HBS1L: variants seen among roughly 807,000 people sequenced by gnomAD.
HBS1L encodes HBS1 like translational GTPase.
HBS1L carries 55 observed loss-of-function variants against 88.9 expected under a neutral mutation model. That is an observed-to-expected ratio of 0.62 (90% CI 0.50 to 0.77). The LOEUF is 0.77. Among genes scored for constraint, HBS1L ranks in the 30% least tolerant of loss-of-function variants. The probability of loss-of-function intolerance (pLI) is 0.00; values close to 1 mark genes in which losing one functional copy is unlikely to be tolerated. For missense variants in HBS1L, 741 were observed against 829.3 expected (o/e 0.89, Z 1.31); for synonymous variants, 267 against 288.5 (o/e 0.93, Z 0.76).
At position 135,009,385 on chromosome 6, in the gene HBS1L, G is replaced by C. The variant is rs149302158; in HGVS notation, c.431-6543C>G. On this transcript the variant is annotated intron_variant, in intron 4 of 17. Transcript: ENST00000367837. ...ATATGTACCTGAGTAATTCTAGAAG[G>C]CTTAACAAATGAAATGAGATTTGAT... 5.9e-5 allele frequency among the ~76,000 whole-genome samples: 9 copies of C among 152,138 alleles called. No homozygotes were observed. In the East Asian group the frequency reaches 1.7e-3, roughly 29 times the overall value.
At chr6:135,047,166 T>C (rs1776938629) in intron 2 of HBS1L, among the ~76,000 whole-genome samples, 1 of 152,240 alleles carries the variant, frequency 6.6e-6, no homozygotes, top group Admixed American at 6.5e-5. Context: ...ACTCCGTCTC[T>C]GTCCTCAAGG....
intron 4 of HBS1L, among the ~76,000 whole-genome samples, chr6:135,029,692 G>C (rs1776331917): frequency 6.6e-6 from 1 of 152,048 alleles, no homozygotes; most frequent in African/African-American, 2.4e-5. Flanking sequence ...AATGTAGGAT[G>C]CTCATTTATT....
chr6:135,037,172 A>G, intron 4 of HBS1L: 1 of 1,551,770 alleles, frequency 6.4e-7, no homozygotes, highest in South Asian at 1.2e-5. Flanking sequence ...GTTAATTCTG[A>G]TATTCCGGGT....
At chr6:135,039,884 C>A in intron 3 of HBS1L, 117 bp from the exon 4 acceptor site, 1 of 771,192 alleles carries the variant, frequency 1.3e-6, no homozygotes, top group East Asian at 2.8e-5. Context: ...TCTCCCTTCT[C>A]TTTGGCAAAA....
chr6:134,993,553 T>C (rs867633935), intron 8 of HBS1L, among the ~76,000 whole-genome samples: 6 of 152,216 alleles, frequency 3.9e-5, no homozygotes, highest in South Asian at 2.1e-4. Context: ...TGTTTCTTTG[T>C]AAGAAATTTT....
chr6:134,999,786 A>C (rs992590807), intron 5 of HBS1L, among the ~76,000 whole-genome samples: 1 of 152,102 alleles, frequency 6.6e-6, no homozygotes, highest in Non-Finnish European at 1.5e-5. Context: ...AAATTAATTC[A>C]CTAAAATTCT....
chr6:135,040,651 G>T (rs542082777), intron 3 of HBS1L, among the ~76,000 whole-genome samples: 3 of 151,960 alleles, frequency 2.0e-5, no homozygotes, highest in African/African-American at 7.2e-5. Flanking sequence ...TGCCCAGCCG[G>T]CATTCACTTT....
At chr6:135,002,673 A>C in intron 5 of HBS1L, 61 bp downstream of exon 5, 3 of 904,040 alleles carry the variant, frequency 3.3e-6, no homozygotes, top group Non-Finnish European at 5.5e-6. Flanking sequence ...TTACAGAAGC[A>C]ACAGTGATTT....
At chr6:134,969,947 ATAT>A (rs1774433957) in intron 15 of HBS1L, among the ~76,000 whole-genome samples, 1 of 152,220 alleles carries the variant, frequency 6.6e-6, no homozygotes, top group African/African-American at 2.4e-5. Flanking sequence ...TAAGAATAAA[ATAT>A]TATAATAAAT....
At chr6:135,030,070 G>A (rs1776341238) in intron 4 of HBS1L, among the ~76,000 whole-genome samples, 1 of 152,168 alleles carries the variant, frequency 6.6e-6, no homozygotes. Flanking sequence ...TTATGTGCCA[G>A]ACATATTCTG....
chr6:134,990,198 T>C (rs1341213989), intron 8 of HBS1L, among the ~76,000 whole-genome samples: 3 of 152,174 alleles, frequency 2.0e-5, no homozygotes, highest in Admixed American at 2.0e-4. Context: ...TACTGGGAAA[T>C]TTCTCTATTA....
chr6:135,050,598 AC>A lies in HBS1L; in HGVS notation c.92del (p.Cys31LeufsTer31). On this transcript the variant is annotated frameshift_variant, in exon 2 of 18. Transcript: ENST00000367837. LOFTEE classifies it high-confidence loss of function. ...AAAATTCACCTGTTGACGGCGAAAT[AC>A]AATAATCATCCTCTACAGACTGGCC... Reference protein sequence around the residue: ...LYGQSVEDDYCISPSTAAQFI... With the variant: ...LYGQSVEDDYXISPSTAAQFI... The A allele has an allele frequency of 6.3e-7, 1 of 1,595,040 alleles. No homozygotes were observed. Among genetic ancestry groups the A allele is most frequent in the Non-Finnish European group, 8.6e-7 (1 of 1,169,096 alleles).
intron 3 of HBS1L, among the ~76,000 whole-genome samples, chr6:135,040,912 A>T (rs549232588): frequency 6.6e-6 from 1 of 152,204 alleles, no homozygotes; most frequent in Non-Finnish European, 1.5e-5. Context: ...CAATACTTTT[A>T]TGTATATTTC....
At chr6:134,999,741 C>A (rs1313419014) in intron 5 of HBS1L, among the ~76,000 whole-genome samples, 1 of 152,086 alleles carries the variant, frequency 6.6e-6, no homozygotes, top group Admixed American at 6.6e-5. Context: ...AGCTACTGTA[C>A]CCGGCCCCTT....
At chr6:135,020,536 A>G (rs930454181) in intron 4 of HBS1L, among the ~76,000 whole-genome samples, 14 of 152,046 alleles carry the variant, frequency 9.2e-5, no homozygotes, top group African/African-American at 3.4e-4. Flanking sequence ...TCCACTGTCA[A>G]TGAATGAAAA....
At chr6:134,968,773 T>C (rs981338376) in intron 16 of HBS1L, among the ~76,000 whole-genome samples, 1 of 150,820 alleles carries the variant, frequency 6.6e-6, no homozygotes, top group South Asian at 2.1e-4. Flanking sequence ...AAAAACAAAC[T>C]TTCCAGATGG....
In HBS1L at chr6:134,986,825, AT is replaced by A; in HGVS notation, c.1231-16del. 1 of 1,443,802 alleles carries A rather than the reference AT, an allele frequency of 6.9e-7. No individual in the cohort carries two copies. Among genetic ancestry groups the A allele is most frequent in the Non-Finnish European group, 9.4e-7 (1 of 1,064,498 alleles). The allele number at this position is 1,443,802 out of a possible 1,614,324, so 89.4% of individuals were successfully genotyped here. A position where few individuals can be genotyped will look rare whatever the true frequency, so the allele number is the denominator to read the frequency against. On this transcript the variant is annotated splice_polypyrimidine_tract_variant and intron_variant, in intron 9 of 17. Coordinates refer to ENST00000367837, the MANE Select transcript of HBS1L (RefSeq NM_006620.4). ...TGCCAATTAACCTGATAAAGATCCA[AT>A]TTATTTTTAAAACTATCCTTCAGAA...
intron 15 of HBS1L, among the ~76,000 whole-genome samples, chr6:134,976,450 T>C (rs1269065592): frequency 6.6e-6 from 1 of 152,132 alleles, no homozygotes; most frequent in Non-Finnish European, 1.5e-5. Context: ...AAAAAGATAC[T>C]TGAATGCATG....
At chr6:135,028,580 C>A (rs1184072010) in intron 4 of HBS1L, among the ~76,000 whole-genome samples, 1 of 151,978 alleles carries the variant, frequency 6.6e-6, no homozygotes, top group Admixed American at 6.6e-5. Flanking sequence ...ACAAGAAAAA[C>A]CAAAATCCAA....
Sources: gnomAD v4.1 joint callset for allele counts (sites outside exome capture counted in the v4.1 genomes callset) on GRCh38, gnomAD v4.1.1 for gene constraint, MANE v1.5 for transcripts, NCBI Gene and HGNC (gene_info 2026-07-23, HGNC 2026-07-21) for gene names.